The following IMMP2L variants were observed in gnomAD, a reference collection of about 807,000 sequenced individuals.
IMMP2L encodes mitochondrial inner membrane protease subunit 2.
A neutral mutation model predicts 19.3 loss-of-function variants in IMMP2L; 18 were observed. The observed-to-expected ratio is 0.93, with a 90% CI of 0.64 to 1.38. The LOEUF (loss-of-function observed/expected upper bound fraction) is 1.38, where lower values mean the gene tolerates loss of function less well. IMMP2L is among the 40% of genes most tolerant of loss of function. The pLI, the probability that IMMP2L is intolerant of heterozygous loss-of-function variation, is 0.00. For synonymous variants in IMMP2L, 76 were observed against 73.0 expected (o/e 1.04, Z -0.21); for missense variants, 233 against 218.2 (o/e 1.07, Z -0.43).
chr7:111,501,194 G>A (rs1302945852), intron 2 of IMMP2L, among the ~76,000 whole-genome samples: 1 of 152,108 alleles, frequency 6.6e-6, no homozygotes, highest in Non-Finnish European at 1.5e-5. Context: ...CTCAGGAGCC[G>A]ATGCGATCAA....
At chr7:111,218,212 G>C (rs214467) in intron 3 of IMMP2L, among the ~76,000 whole-genome samples, 1 of 151,836 alleles carries the variant, frequency 6.6e-6, no homozygotes, top group African/African-American at 2.4e-5. Context: ...GCTCTGTTCT[G>C]AAGTTTTCTT....
intron 2 of IMMP2L, among the ~76,000 whole-genome samples, chr7:111,490,285 C>CTT (rs768277536): frequency 7.2e-6 from 1 of 138,840 alleles, no homozygotes; most frequent in Non-Finnish European, 1.6e-5. Context: ...TTTTTTTTTC[C>CTT]TTTTTTTTTT....
At chr7:111,333,857 A>G (rs562645864) in intron 3 of IMMP2L, among the ~76,000 whole-genome samples, 29 of 152,158 alleles carry the variant, frequency 1.9e-4, no homozygotes, top group Non-Finnish European at 4.0e-4. Flanking sequence ...CAGATGGCCT[A>G]TTGTGGGACC....
At chr7:110,752,181 A>G (rs1797766189) in intron 5 of IMMP2L, among the ~76,000 whole-genome samples, 1 of 152,060 alleles carries the variant, frequency 6.6e-6, no homozygotes, top group African/African-American at 2.4e-5. Context: ...GTTTAGTGCT[A>G]TAGAAACGGT....
chr7:111,536,450 T>G (rs1332075216), intron 1 of IMMP2L, among the ~76,000 whole-genome samples: 1 of 151,910 alleles, frequency 6.6e-6, no homozygotes, highest in African/African-American at 2.4e-5. Context: ...GGACCACAGA[T>G]GCACACCACC....
At chr7:111,074,141 A>T (rs1163486768) in intron 3 of IMMP2L, among the ~76,000 whole-genome samples, 1 of 152,236 alleles carries the variant, frequency 6.6e-6, no homozygotes, top group Non-Finnish European at 1.5e-5. Context: ...AACCAGGTTT[A>T]TACCCTCATT....
chr7:110,859,749 C>CA (rs35255934), intron 5 of IMMP2L, among the ~76,000 whole-genome samples: 3,487 of 92,724 alleles, frequency 0.038, 82 homozygotes, highest in African/African-American at 0.082. Flanking sequence ...GACCCTGTCT[C>CA]AAAAAAAAAA....
chr7:111,138,835 T>A (rs931701963), intron 3 of IMMP2L, among the ~76,000 whole-genome samples: 6 of 152,172 alleles, frequency 3.9e-5, no homozygotes, highest in African/African-American at 1.4e-4. Context: ...CTGGAATAGC[T>A]TGGCATTTCT....
chr7:110,747,272 A>G (rs1797413864), intron 5 of IMMP2L, among the ~76,000 whole-genome samples: 1 of 152,128 alleles, frequency 6.6e-6, no homozygotes, highest in South Asian at 2.1e-4. Flanking sequence ...CCTACCAACC[A>G]AAAAAAGTCC....
At chr7:111,044,076 AAC>A (rs1764474309) in intron 3 of IMMP2L, among the ~76,000 whole-genome samples, 1 of 152,236 alleles carries the variant, frequency 6.6e-6, no homozygotes. Context: ...ATATTCTCTG[AAC>A]CATTTTCAGT....
intron 3 of IMMP2L, among the ~76,000 whole-genome samples, chr7:111,155,384 A>G (rs1804524767): frequency 6.6e-6 from 1 of 152,088 alleles, no homozygotes; most frequent in Admixed American, 6.6e-5. Flanking sequence ...ACTAGGAAAG[A>G]GAGAAACGAA....
chr7:111,178,837 A>T (rs1446932288), intron 3 of IMMP2L, among the ~76,000 whole-genome samples: 1 of 151,966 alleles, frequency 6.6e-6, no homozygotes, highest in African/African-American at 2.4e-5. Flanking sequence ...TTATGTCTTG[A>T]ACCCCTCAAA....
At chr7:111,243,528 T>TA (rs398005855) in intron 3 of IMMP2L, among the ~76,000 whole-genome samples, 21 of 148,680 alleles carry the variant, frequency 1.4e-4, no homozygotes, top group Middle Eastern at 3.5e-3. Flanking sequence ...TTTTTTTTTT[T>TA]ATTATACTCT....
At chr7:111,531,200 C>A (rs1450992033) in intron 1 of IMMP2L, among the ~76,000 whole-genome samples, 1 of 152,038 alleles carries the variant, frequency 6.6e-6, no homozygotes, top group African/African-American at 2.4e-5. Flanking sequence ...TGTGATCCGC[C>A]CGCCTCGGCC....
intron 3 of IMMP2L, among the ~76,000 whole-genome samples, chr7:111,315,792 C>G (rs757266631): frequency 6.0e-5 from 9 of 149,130 alleles, no homozygotes; most frequent in Non-Finnish European, 7.4e-5. Context: ...CAGATAATAA[C>G]TACATAGGAA....
intron 5 of IMMP2L, among the ~76,000 whole-genome samples, chr7:110,800,220 G>C (rs1160398142): frequency 6.6e-6 from 1 of 152,090 alleles, no homozygotes; most frequent in African/African-American, 2.4e-5. Flanking sequence ...GGAAGTGTGA[G>C]AAAGTATCAA....
intron 3 of IMMP2L, among the ~76,000 whole-genome samples, chr7:111,308,775 C>T (rs1224362084): frequency 6.6e-6 from 1 of 151,940 alleles, no homozygotes; most frequent in Non-Finnish European, 1.5e-5. Flanking sequence ...TTTAACTTGG[C>T]CTAAATTCAT....
At chr7:111,434,102 C>T (rs1432414012) in intron 3 of IMMP2L, among the ~76,000 whole-genome samples, 1 of 151,652 alleles carries the variant, frequency 6.6e-6, no homozygotes, top group East Asian at 1.9e-4. Flanking sequence ...TAGACAGGTC[C>T]ATGGTATAGA....
At chr7:110,919,370 C>T (rs1319460930) in intron 4 of IMMP2L, among the ~76,000 whole-genome samples, 2 of 152,092 alleles carry the variant, frequency 1.3e-5, no homozygotes, top group African/African-American at 4.8e-5. Context: ...CTGCAAATAA[C>T]CAGGATTTCA....
Sources: allele counts gnomAD v4.1 joint callset (sites outside exome capture counted in the v4.1 genomes callset), GRCh38; gene constraint gnomAD v4.1.1; transcripts MANE v1.5; gene names NCBI Gene and HGNC (gene_info 2026-07-23, HGNC 2026-07-21).